Variants in SPATA3 observed in about 807,000 individuals in gnomAD.
SPATA3 encodes the protein spermatogenesis-associated protein 3.
Under a neutral mutation model 5.7 loss-of-function variants are expected in SPATA3, and 6 were observed. The ratio of observed to expected loss-of-function variants is 1.06; its 90% CI spans 0.58 to 2.09. SPATA3 has a LOEUF of 2.09. SPATA3 is among the 30% of genes most tolerant of loss of function. The pLI, the probability that SPATA3 is intolerant of heterozygous loss-of-function variation, is 0.00. For synonymous variants in SPATA3, 44 were observed against 48.4 expected (o/e 0.91, Z 0.37); for missense variants, 155 against 130.4 (o/e 1.19, Z -0.92).
At chr2:231,014,280 C>T (rs1202843262) in intron 6 of SPATA3, 1 of 152,146 alleles carries the variant, frequency 6.6e-6, no homozygotes, top group Non-Finnish European at 1.5e-5. Flanking sequence ...TGCTAATAGC[C>T]TGTCACAAGC....
downstream of SPATA3, among the ~76,000 whole-genome samples, chr2:231,009,376 C>A (rs886288875): frequency 2.0e-5 from 3 of 152,168 alleles, no homozygotes; most frequent in South Asian, 4.1e-4. Flanking sequence ...GCAGTTGGAT[C>A]CCCCGGGCAG....
chr2:231,011,101 G>GAAAAGAA (rs1553551899), downstream of SPATA3, among the ~76,000 whole-genome samples: 19 of 124,452 alleles, frequency 1.5e-4, no homozygotes, highest in African/African-American at 5.3e-4. Flanking sequence ...AAAAGAAAAA[G>GAAAAGAA]AAAGCCATCA....
chr2:231,008,433 G>A (rs996446085), downstream of SPATA3, among the ~76,000 whole-genome samples: 2 of 152,184 alleles, frequency 1.3e-5, no homozygotes, highest in African/African-American at 4.8e-5. Context: ...ATGACTCTAA[G>A]AATTAGTTAG....
intron 2 of SPATA3, among the ~76,000 whole-genome samples, chr2:231,002,302 T>A (rs765160637): frequency 6.6e-6 from 1 of 152,204 alleles, no homozygotes; most frequent in Non-Finnish European, 1.5e-5. Flanking sequence ...ATTTCCCAAG[T>A]TCCTTTCTCT....
downstream of SPATA3, among the ~76,000 whole-genome samples, chr2:231,010,930 A>T (rs1007704634): frequency 2.1e-5 from 3 of 143,296 alleles, no homozygotes; most frequent in African/African-American, 8.4e-5. Flanking sequence ...AAAAAAAAAA[A>T]AATACAAAAA....
rs574358532 is a variant in SPATA3 at position 231,019,278 on chromosome 2, C to G, written c.*566-442C>G. Among the ~76,000 whole-genome samples, 16 of 146,528 alleles carry G rather than the reference C, an allele frequency of 1.1e-4. 1 individual carries two copies. Among genetic ancestry groups the G allele is most frequent in the African/African-American group, 4.1e-4 (16 of 39,456 alleles). ...GCCACCGTGCCAGGCCTCGATTTTTCTTTTTTTAACTATTCTCCTACTAAC... is the reference window on the plus strand; with the variant it reads ...GCCACCGTGCCAGGCCTCGATTTTTGTTTTTTTAACTATTCTCCTACTAAC... On this transcript the variant is annotated intron_variant, in intron 6 of 8. Transcript: ENST00000452881.
intron 1 of SPATA3, chr2:230,996,527 G>A (rs1171611846): frequency 1.3e-6 from 2 of 1,551,734 alleles, no homozygotes; most frequent in Non-Finnish European, 8.7e-7. Flanking sequence ...CTCAATCCAG[G>A]AAAGCAGGTG....
intron 6 of SPATA3, among the ~76,000 whole-genome samples, chr2:231,016,987 T>C (rs1692953683): frequency 6.6e-6 from 1 of 152,254 alleles, no homozygotes; most frequent in Non-Finnish European, 1.5e-5. Context: ...GTCTGCTTTT[T>C]TTCCCACTTC....
chr2:231,018,648 A>G (rs1273602544), intron 6 of SPATA3, among the ~76,000 whole-genome samples: 1 of 152,108 alleles, frequency 6.6e-6, no homozygotes, highest in Non-Finnish European at 1.5e-5. Context: ...AGGAATGCTG[A>G]GAAGGCCATC....
downstream of SPATA3, among the ~76,000 whole-genome samples, chr2:231,005,495 AC>A: frequency 7.1e-6 from 1 of 140,964 alleles, no homozygotes; most frequent in Non-Finnish European, 1.6e-5. Context: ...CACCATCACC[AC>A]CATCATCACC....
At chr2:231,003,947 C>T (rs947118964), downstream of SPATA3, 3 of 152,118 alleles carry the variant, frequency 2.0e-5, no homozygotes, top group East Asian at 3.9e-4. Flanking sequence ...CACGATGATC[C>T]CCTTGCCATG....
intron 6 of SPATA3, among the ~76,000 whole-genome samples, chr2:231,017,402 CGG>C (rs1692960923): frequency 6.6e-6 from 1 of 152,152 alleles, no homozygotes; most frequent in Non-Finnish European, 1.5e-5. Flanking sequence ...TGTCTACATC[CGG>C]AGAGAGTGCC....
At position 231,014,644 on chromosome 2, in the gene SPATA3, G is replaced by A. The variant is rs545057394; in HGVS notation, c.*565+432G>A. 5.3e-5 allele frequency among the ~76,000 whole-genome samples: 8 copies of A among 152,220 alleles called. No individual in the cohort carries two copies. In the South Asian group the frequency reaches 1.0e-3, roughly 20 times the overall value. On this transcript the variant is annotated intron_variant, in intron 6 of 8. Transcript: ENST00000452881. ...ATTGGGACAGCAACCTGGTGGCATC[G>A]TGGGGCTCCTCTGGTACTCTGCTGG...
chr2:230,996,211 C>A (rs374165740), intron 1 of SPATA3: 1 of 1,541,878 alleles, frequency 6.5e-7, no homozygotes, highest in South Asian at 1.2e-5. Flanking sequence ...TGTAGGTCCA[C>A]GTTTAGGTTG....
At chr2:231,018,342 T>C (rs1011470192) in intron 6 of SPATA3, among the ~76,000 whole-genome samples, 2 of 152,128 alleles carry the variant, frequency 1.3e-5, no homozygotes, top group Admixed American at 6.5e-5. Context: ...TTGTGAGCCT[T>C]CATCTGCATA....
downstream of SPATA3, among the ~76,000 whole-genome samples, chr2:231,005,934 C>A (rs1692606727): frequency 6.9e-6 from 1 of 144,514 alleles, no homozygotes; most frequent in Non-Finnish European, 1.5e-5. Context: ...GAGGCCCAGG[C>A]AGGGGGATAA....
downstream of SPATA3, among the ~76,000 whole-genome samples, chr2:231,005,544 T>C (rs1314541271): frequency 3.8e-4 from 18 of 47,762 alleles, no homozygotes; most frequent in Admixed American, 6.3e-4. Flanking sequence ...ATCACCACCA[T>C]CATCACCACC....
chr2:230,997,213 C>T (rs1450524456), intron 1 of SPATA3, among the ~76,000 whole-genome samples: 1 of 152,102 alleles, frequency 6.6e-6, no homozygotes, highest in Non-Finnish European at 1.5e-5. Flanking sequence ...GGGTCTTTTC[C>T]GTGGTGTTCT....
At chr2:231,005,043 TCAC>T (rs1303262777), downstream of SPATA3, among the ~76,000 whole-genome samples, 646 of 90,806 alleles carry the variant, frequency 7.1e-3, 10 homozygotes, top group African/African-American at 0.024. Context: ...ACCATCATCA[TCAC>T]CACCACCACC....
Sources: allele counts gnomAD v4.1 joint callset (sites outside exome capture counted in the v4.1 genomes callset), GRCh38; gene constraint gnomAD v4.1.1; transcripts MANE v1.5; gene names NCBI Gene and HGNC (gene_info 2026-07-23, HGNC 2026-07-21).